The following INPP5A variants were observed in gnomAD, a reference collection of about 807,000 sequenced individuals.
The protein encoded by INPP5A is inositol polyphosphate-5-phosphatase A.
A neutral mutation model predicts 65.2 loss-of-function variants in INPP5A; 14 were observed. That is an observed-to-expected ratio of 0.21 (90% CI 0.14 to 0.34). The LOEUF is 0.34. INPP5A is among the 10% of genes least tolerant of loss of function. The probability of loss-of-function intolerance (pLI) is 1.00; values close to 1 mark genes in which losing one functional copy is unlikely to be tolerated. For synonymous variants in INPP5A, 207 were observed against 208.3 expected, an observed-to-expected ratio of 0.99 and a Z score of 0.05; for missense variants, 431 against 545.6, an observed-to-expected ratio of 0.79 and a Z score of 2.09.
chr10:132,673,023 C>T (rs2072913138), intron 4 of INPP5A, among the ~76,000 whole-genome samples: 3 of 152,156 alleles, frequency 2.0e-5, no homozygotes, highest in African/African-American at 7.2e-5. Context: ...CATGGTAATA[C>T]TATGGGACGC....
At chr10:132,578,423 C>T (rs879288165) in intron 1 of INPP5A, among the ~76,000 whole-genome samples, 9 of 150,350 alleles carry the variant, frequency 6.0e-5, no homozygotes, top group Admixed American at 1.3e-4. Flanking sequence ...ATGCCGCCCC[C>T]GTGCCAGTCC....
At chr10:132,776,538 TATG>T (rs1176774529) in intron 12 of INPP5A, among the ~76,000 whole-genome samples, 1 of 152,146 alleles carries the variant, frequency 6.6e-6, no homozygotes, top group Non-Finnish European at 1.5e-5. Flanking sequence ...ACAGGTGCTG[TATG>T]ATATTTTGGA....
intron 11 of INPP5A, among the ~76,000 whole-genome samples, chr10:132,761,247 T>C (rs1365913888): frequency 3.3e-5 from 5 of 152,208 alleles, no homozygotes; most frequent in East Asian, 3.9e-4. Context: ...TGGAGTGTCA[T>C]TGAGGCAGTA....
chr10:132,777,695 C>T lies in INPP5A; in HGVS notation c.1002C>T (p.Arg334=), dbSNP rs1170353133. The T allele has an allele frequency of 1.2e-6, 2 of 1,612,964 alleles. No individual in the cohort carries two copies. The highest frequency in any genetic ancestry group is 8.5e-7 in the Non-Finnish European group (1 of 1,179,970). The part of the protein sequence containing the change: ...PPSYPYSEDA[R]QGEQYMNTRC... The stretch of plus-strand genomic sequence containing the variant: ...GCTACCCGTACAGTGAGGACGCCCG[C>T]CAGGGTGAGCAGTACATGAACACCC... The change falls in exon 13 of 16, where the codon CGC becomes CGT. Residue 334 remains arginine, a synonymous_variant. Transcript: ENST00000368594.
rs146086866 is a variant in INPP5A, at chr10:132,724,163, T to G, written c.648-2658T>G. ...TGTACTAATTAAAAGCATGCAGGAATTGATTTTTTAAAAGATCTGCAGAAA... is the reference window on the plus strand; with the variant it reads ...TGTACTAATTAAAAGCATGCAGGAAGTGATTTTTTAAAAGATCTGCAGAAA... On this transcript the variant is annotated intron_variant, in intron 8 of 15. Coordinates refer to ENST00000368594, the MANE Select transcript of INPP5A (RefSeq NM_005539.5). 9.4e-4 allele frequency among the ~76,000 whole-genome samples: 143 copies of G among 152,280 alleles called. 1 individual carries two copies. Among genetic ancestry groups the G allele is most frequent in the African/African-American group, 3.3e-3 (138 of 41,546 alleles).
At position 132,547,357 on chromosome 10, in the gene INPP5A, G is replaced by A. The variant is rs1445834930; in HGVS notation, c.75+9186G>A. ...GGGCTCTCTCCATCCTCTTCCTGGC[G>A]TCAGGTGTTCTCGGCGGCCTCTCGG... On this transcript the variant is annotated intron_variant, in intron 1 of 15. Transcript: ENST00000368594. This position sits in a 1 kb window ranked among gnomAD's most constrained non-coding sequence, Gnocchi z 5.5. Among the ~76,000 whole-genome samples the A allele has an allele frequency of 4.6e-5, 7 of 152,166 alleles. No homozygotes were observed. Among genetic ancestry groups the A allele is most frequent in the African/African-American group, 9.6e-5 (4 of 41,452 alleles).
At chr10:132,726,760 C>A in intron 8 of INPP5A, 61 bp from the exon 9 acceptor site, 2 of 1,185,018 alleles carry the variant, frequency 1.7e-6, no homozygotes, top group Non-Finnish European at 2.5e-6. Context: ...AGCACCGGGG[C>A]CGGGCATGAG....
Position 132,538,210 on chromosome 10 carries a change from AC to A in INPP5A, c.75+44del. 3 of 1,190,364 alleles carry A rather than the reference AC, an allele frequency of 2.5e-6. No individual in the cohort carries two copies. Among genetic ancestry groups the A allele is most frequent in the South Asian group, 3.3e-5 (1 of 30,314 alleles). 73.7% of individuals were successfully genotyped at this position (1,190,364 alleles called of 1,614,324 possible). Reference sequence around the variant, plus strand: ...GCCGGCGGCAGGCCCCAAGCCCGGAACCCCCGACCCTGACCCCGGGGTCCCG... The same window carrying A: ...GCCGGCGGCAGGCCCCAAGCCCGGAACCCCGACCCTGACCCCGGGGTCCCG... On this transcript the variant is annotated intron_variant, in intron 1 of 15. Transcript: ENST00000368594. This position sits in a 1 kb window ranked among gnomAD's most constrained non-coding sequence, Gnocchi z 4.1.
At chr10:132,712,319 G>GTT (rs1481143621) in intron 8 of INPP5A, among the ~76,000 whole-genome samples, 1 of 152,070 alleles carries the variant, frequency 6.6e-6, no homozygotes, top group African/African-American at 2.4e-5. Context: ...TGCTTGTGGG[G>GTT]TTTGTGTGGG....
At chr10:132,652,305 A>G (rs928842236) in intron 4 of INPP5A, among the ~76,000 whole-genome samples, 21 of 152,258 alleles carry the variant, frequency 1.4e-4, no homozygotes, top group Admixed American at 1.3e-4. Context: ...AGAAGGACTG[A>G]AAAGTGGATA....
rs901193975 is a variant in INPP5A, at chr10:132,676,194, C to T, written c.307-14198C>T. Among the ~76,000 whole-genome samples, 1 of 152,132 alleles carries T rather than the reference C, an allele frequency of 6.6e-6. No individual in the cohort carries two copies. The highest frequency in any genetic ancestry group is 2.4e-5 in the African/African-American group (1 of 41,432). On this transcript the variant is annotated intron_variant, in intron 4 of 15. Coordinates refer to ENST00000368594, the MANE Select transcript of INPP5A (RefSeq NM_005539.5). This position sits in a 1 kb window ranked among gnomAD's most constrained non-coding sequence, Gnocchi z 4.0. ...GAAATATTTATTATTCAAAAAATAG[C>T]ATCTGCGTTGCAAATGAATCTCATT... is the stretch of plus-strand genomic sequence containing the variant.
At chr10:132,618,184 ATGT>A (rs1564936634) in intron 2 of INPP5A, among the ~76,000 whole-genome samples, 1 of 152,230 alleles carries the variant, frequency 6.6e-6, no homozygotes, top group Non-Finnish European at 1.5e-5. Context: ...GAGATAATAA[ATGT>A]TGTTTATTTA....
rs559627024 is a variant in INPP5A at position 132,708,384 on chromosome 10, T to G, written c.527+19T>G. On this transcript the variant is annotated intron_variant, in intron 7 of 15. Transcript: ENST00000368594. ...CAGACTGGTACGTGGTGTCTGTGCT[T>G]TGTCAATTTCCATAACGTTTCTTAC... is the stretch of plus-strand genomic sequence containing the variant. 150 of 1,611,814 alleles carry G rather than the reference T, an allele frequency of 9.3e-5. 1 individual carries two copies. In the South Asian group the frequency reaches 1.5e-3, roughly 16 times the overall value.
At chr10:132,642,148 T>A (rs1333075394) in intron 2 of INPP5A, among the ~76,000 whole-genome samples, 1 of 151,702 alleles carries the variant, frequency 6.6e-6, no homozygotes, top group Non-Finnish European at 1.5e-5. Flanking sequence ...GTCTGCGGTC[T>A]GGGGACAGCC....
At chr10:132,582,182 A>G (rs1336113553) in intron 1 of INPP5A, among the ~76,000 whole-genome samples, 1 of 151,948 alleles carries the variant, frequency 6.6e-6, no homozygotes, top group Non-Finnish European at 1.5e-5. Context: ...GTTTTTAGTT[A>G]TGATTCTTCT....
At chr10:132,630,581 G>C (rs4880417) in intron 2 of INPP5A, among the ~76,000 whole-genome samples, 1 of 148,432 alleles carries the variant, frequency 6.7e-6, no homozygotes, top group Non-Finnish European at 1.5e-5. Context: ...AGAGGAAGAC[G>C]TCCATGAGGG....
chr10:132,775,752 A>C (rs1043757900), intron 12 of INPP5A, among the ~76,000 whole-genome samples: 5 of 152,188 alleles, frequency 3.3e-5, no homozygotes, highest in Admixed American at 6.5e-5. Flanking sequence ...CCCAGAGCCC[A>C]GTCTGTCTGA....
intron 2 of INPP5A, among the ~76,000 whole-genome samples, chr10:132,611,811 G>A (rs562328443): frequency 1.4e-5 from 2 of 147,912 alleles, no homozygotes; most frequent in East Asian, 4.2e-4. Context: ...CTCCATCAGA[G>A]GAGGGTGCGG....
intron 11 of INPP5A, among the ~76,000 whole-genome samples, chr10:132,763,431 C>T (rs920345376): frequency 1.3e-5 from 2 of 152,280 alleles, no homozygotes; most frequent in Non-Finnish European, 2.9e-5. Context: ...TCCAGAATGA[C>T]CTAGAGATGA....
Sources: allele counts gnomAD v4.1 joint callset (sites outside exome capture counted in the v4.1 genomes callset), GRCh38; gene constraint gnomAD v4.1.1; non-coding constraint Gnocchi (gnomAD v3.1); transcripts MANE v1.5; gene names NCBI Gene and HGNC (gene_info 2026-07-23, HGNC 2026-07-21).